Variants in SPATA17 observed in about 807,000 individuals in gnomAD.
The protein encoded by SPATA17 is spermatogenesis associated 17.
A neutral mutation model predicts 62.2 loss-of-function variants in SPATA17; 53 were observed. The ratio of observed to expected loss-of-function variants is 0.85; its 90% confidence interval spans 0.68 to 1.07. The LOEUF (loss-of-function observed/expected upper bound fraction) is 1.07. SPATA17 is among the 50% of genes least tolerant of loss of function. SPATA17 has a pLI of 0.00. For synonymous variants in SPATA17, 146 were observed against 146.8 expected (o/e 0.99, Z 0.04); for missense variants, 466 against 425.5 (o/e 1.10, Z -0.84).
chr1:217,779,062 T>G (rs1178038380), intron 7 of SPATA17, among the ~76,000 whole-genome samples: 1 of 151,780 alleles, frequency 6.6e-6, no homozygotes, highest in African/African-American at 2.4e-5. Flanking sequence ...TATGTATAAA[T>G]GGTATATCAG....
chr1:217,713,367 A>C (rs1671923747), intron 5 of SPATA17, among the ~76,000 whole-genome samples: 1 of 152,060 alleles, frequency 6.6e-6, no homozygotes, highest in Admixed American at 6.6e-5. Context: ...AATTTAAATG[A>C]TGGTTTGAAT....
At chr1:217,674,901 G>A (rs1035317496) in intron 4 of SPATA17, among the ~76,000 whole-genome samples, 6 of 152,250 alleles carry the variant, frequency 3.9e-5, no homozygotes, top group African/African-American at 1.4e-4. Context: ...TAGGGGAGAG[G>A]GGAGCTGTAG....
At chr1:217,684,904 A>G (rs954848293) in intron 5 of SPATA17, among the ~76,000 whole-genome samples, 1 of 152,206 alleles carries the variant, frequency 6.6e-6, no homozygotes, top group Non-Finnish European at 1.5e-5. Flanking sequence ...GATTACCTAT[A>G]GAGAAATTTG....
intron 5 of SPATA17, among the ~76,000 whole-genome samples, chr1:217,688,383 C>A (rs539050718): frequency 7.2e-5 from 11 of 152,290 alleles, no homozygotes; most frequent in Admixed American, 4.6e-4. Context: ...TGCCTGGACT[C>A]TTAATTAAGT....
At chr1:217,788,351 T>G (rs1673915683) in intron 8 of SPATA17, among the ~76,000 whole-genome samples, 1 of 151,662 alleles carries the variant, frequency 6.6e-6, no homozygotes, top group South Asian at 2.1e-4. Context: ...AATTTTCTGT[T>G]AGGCATAATA....
rs747713714 is a variant in SPATA17 at position 217,669,035 on chromosome 1, A to G, written c.243A>G (p.Val81=). The change falls in exon 4 of 11, where the codon GTA becomes GTG. Residue 81 remains valine, a splice_region_variant and synonymous_variant. Coordinates refer to ENST00000366933, the MANE Select transcript of SPATA17 (RefSeq NM_138796.4). Reference sequence around the variant, plus strand: ...CATCTTTTTTTCTTGATTCACAGGTAGCATATTATACTATGATGATGAATC... The same window carrying G: ...CATCTTTTTTTCTTGATTCACAGGTGGCATATTATACTATGATGATGAATC... The part of the protein sequence containing the change: ...GRKQYQLTVQ[V]AYYTMMMNLY... The G allele has an allele frequency of 3.7e-6, 6 of 1,611,042 alleles. No homozygotes were observed. The highest frequency in any genetic ancestry group is 2.7e-5 in the African/African-American group (2 of 74,832).
At chr1:217,800,466 G>A (rs17726995) in intron 8 of SPATA17, among the ~76,000 whole-genome samples, 17,866 of 151,414 alleles carry the variant, frequency 0.12, 1,161 homozygotes, top group Non-Finnish European at 0.14. Flanking sequence ...GCATTCCTCT[G>A]TACGTGCTTT....
intron 7 of SPATA17, among the ~76,000 whole-genome samples, chr1:217,774,802 C>G (rs148449878): frequency 6.6e-4 from 101 of 152,268 alleles, no homozygotes; most frequent in South Asian, 2.1e-3. Flanking sequence ...TCTTAAAGTT[C>G]ATCTATGTTG....
At chr1:217,734,362 C>T (rs964218347) in intron 5 of SPATA17, among the ~76,000 whole-genome samples, 18 of 152,138 alleles carry the variant, frequency 1.2e-4, no homozygotes, top group African/African-American at 4.1e-4. Flanking sequence ...TGCCATTTGA[C>T]TATTTTAATT....
At chr1:217,798,480 T>A (rs567850968) in intron 8 of SPATA17, among the ~76,000 whole-genome samples, 2 of 152,370 alleles carry the variant, frequency 1.3e-5, no homozygotes, top group Admixed American at 6.5e-5. Context: ...GAGTCTTGTA[T>A]TTATTTTATA....
At chr1:217,696,464 C>A (rs139681571) in intron 5 of SPATA17, among the ~76,000 whole-genome samples, 1 of 152,086 alleles carries the variant, frequency 6.6e-6, no homozygotes, top group African/African-American at 2.4e-5. Flanking sequence ...TGCGTCGCTC[C>A]GCTCACGCTG....
chr1:217,760,779 A>G (rs1440308734), intron 6 of SPATA17, among the ~76,000 whole-genome samples: 1 of 152,198 alleles, frequency 6.6e-6, no homozygotes, highest in Non-Finnish European at 1.5e-5. Context: ...GCACCAAATT[A>G]TCTTGGAGGC....
At chr1:217,802,811 A>G (rs937908617) in intron 9 of SPATA17, among the ~76,000 whole-genome samples, 2 of 152,176 alleles carry the variant, frequency 1.3e-5, no homozygotes, top group African/African-American at 2.4e-5. Context: ...ATGCAAATAC[A>G]TTCTTTCCAT....
chr1:217,636,964 G>C lies in SPATA17; in HGVS notation c.68+5518G>C, dbSNP rs542345548. On this transcript the variant is annotated intron_variant, in intron 1 of 10. Transcript: ENST00000366933. ...ATATATGTAAAATCTTTTTTAATTGGCTTCGCTGAAGGGAAAAGTATATTG... is the reference window on the plus strand; with the variant it reads ...ATATATGTAAAATCTTTTTTAATTGCCTTCGCTGAAGGGAAAAGTATATTG... 1.1e-4 allele frequency among the ~76,000 whole-genome samples: 17 copies of C among 152,162 alleles called. No individual in the cohort carries two copies. The South Asian group carries it at 3.5e-3, about 32-fold the overall frequency.
Position 217,646,504 on chromosome 1 carries a change from AT to A in SPATA17, c.69-2370del, listed in dbSNP as rs1447422284. Among the ~76,000 whole-genome samples, 8 of 151,878 alleles carry A rather than the reference AT, an allele frequency of 5.3e-5. No homozygotes were observed. The East Asian group carries it at 1.2e-3, about 22-fold the overall frequency. On this transcript the variant is annotated intron_variant, in intron 1 of 10. Coordinates refer to ENST00000366933, the MANE Select transcript of SPATA17 (RefSeq NM_138796.4). ...TTATATTTAGAAATTGATTACATGA[AT>A]TTTTTTTGCGTTTTCCTTTTCTTCC...
chr1:217,698,856 C>T (rs61393568), intron 5 of SPATA17, among the ~76,000 whole-genome samples: 1 of 152,304 alleles, frequency 6.6e-6, no homozygotes, highest in East Asian at 1.9e-4. Context: ...ACCACATTCA[C>T]TTCTATTCTA....
At chr1:217,643,735 A>T (rs866837662) in intron 1 of SPATA17, among the ~76,000 whole-genome samples, 5,578 of 141,624 alleles carry the variant, frequency 0.039, 163 homozygotes, top group Middle Eastern at 0.1. Flanking sequence ...TATATATATA[A>T]TTTTTTTTTT....
chr1:217,834,413 C>A (rs192445891), intron 9 of SPATA17, among the ~76,000 whole-genome samples: 2 of 152,014 alleles, frequency 1.3e-5, no homozygotes, highest in Non-Finnish European at 2.9e-5. Flanking sequence ...GATGACAGCT[C>A]CATGTGTGTT....
intron 6 of SPATA17, among the ~76,000 whole-genome samples, chr1:217,766,715 G>A (rs944568832): frequency 2.0e-5 from 1 of 50,298 alleles, no homozygotes; most frequent in East Asian, 9.3e-4. Flanking sequence ...GGCCTATATC[G>A]TTCTCTTTTT....
Sources: gnomAD v4.1 joint callset for allele counts (sites outside exome capture counted in the v4.1 genomes callset) on GRCh38, gnomAD v4.1.1 for gene constraint, MANE v1.5 for transcripts, NCBI Gene and HGNC (gene_info 2026-07-23, HGNC 2026-07-21) for gene names.